Variants in HELLS observed in about 807,000 individuals in gnomAD.
HELLS encodes lymphoid-specific helicase.
HELLS carries 32 observed loss-of-function variants against 120.0 expected under a neutral mutation model. That is an observed-to-expected ratio of 0.27 (90% CI 0.20 to 0.36). The LOEUF is 0.36. HELLS is among the 10% of genes least tolerant of loss of function. The probability of loss-of-function intolerance (pLI) is 1.00; values close to 1 mark genes in which losing one functional copy is unlikely to be tolerated. For missense variants in HELLS, 650 were observed against 993.4 expected (o/e 0.65, Z 4.65); for synonymous variants, 341 against 323.4 (o/e 1.05, Z -0.58).
intron 21 of HELLS, among the ~76,000 whole-genome samples, chr10:94,599,037 G>A (rs1228447726): frequency 6.6e-6 from 1 of 152,092 alleles, no homozygotes; most frequent in Admixed American, 6.6e-5. Context: ...TCCTATGCCA[G>A]TATCGCACTG....
intron 2 of HELLS, among the ~76,000 whole-genome samples, 198 bp from the exon 3 acceptor site, chr10:94,553,928 A>C (rs936569613): frequency 6.6e-6 from 1 of 152,126 alleles, no homozygotes; most frequent in African/African-American, 2.4e-5. Flanking sequence ...TAATATTTTG[A>C]TATACGAATT....
intron 21 of HELLS, 53 bp downstream of exon 21, chr10:94,597,164 C>T: frequency 9.8e-7 from 1 of 1,017,498 alleles, no homozygotes; most frequent in East Asian, 2.4e-5. Flanking sequence ...ACTTAATTAG[C>T]ATAATGTAAT....
At chr10:94,588,829 G>T (rs137910114) in intron 13 of HELLS, among the ~76,000 whole-genome samples, 35 of 152,206 alleles carry the variant, frequency 2.3e-4, no homozygotes, top group African/African-American at 8.4e-4. Context: ...TGTATTAATT[G>T]CTTTACAGTC....
At chr10:94,607,650 G>C (rs1422475979) in intron 8 of HELLS, among the ~76,000 whole-genome samples, 5 of 152,082 alleles carry the variant, frequency 3.3e-5, no homozygotes, top group Non-Finnish European at 7.4e-5. Flanking sequence ...AAGCAAACGT[G>C]TGATGAAATC....
chr10:94,564,430 C>T (rs1311232240), intron 6 of HELLS, among the ~76,000 whole-genome samples: 2 of 152,132 alleles, frequency 1.3e-5, no homozygotes, highest in Non-Finnish European at 2.9e-5. Context: ...TAACCCCTAA[C>T]CTTGTCTTAA....
downstream of HELLS, among the ~76,000 whole-genome samples, chr10:94,605,722 C>G (rs1379937766): frequency 1.3e-5 from 2 of 150,244 alleles, no homozygotes; most frequent in African/African-American, 4.9e-5. Context: ...GCCTTGACCT[C>G]CCGGGCTCAA....
chr10:94,590,482 A>G lies in HELLS; in HGVS notation c.1558A>G (p.Lys520Glu). Residue 520 changes from lysine to glutamate, a missense_variant, in exon 14 of 22, where the codon AAA (lysine) becomes GAA (glutamate). By Grantham distance (56) the Lys-to-Glu change is moderately conservative (BLOSUM62 1). Coordinates refer to ENST00000348459, the MANE Select transcript of HELLS (RefSeq NM_018063.5). ...RRTRKSINYSKIDDFPNELEK... is the reference protein window; with the variant it reads ...RRTRKSINYSEIDDFPNELEK... ...AACTAGAAAATCAATAAATTACAGCAAAATAGATGATTTCCCTAATGAATT... is the reference window on the plus strand; with the variant it reads ...AACTAGAAAATCAATAAATTACAGCGAAATAGATGATTTCCCTAATGAATT... 6.2e-7 allele frequency: 1 copy of G among 1,612,760 alleles called. No homozygotes were observed. The highest frequency in any genetic ancestry group is 8.5e-7 in the Non-Finnish European group (1 of 1,179,648).
intron 2 of HELLS, among the ~76,000 whole-genome samples, chr10:94,548,770 G>C (rs556600592): frequency 2.0e-5 from 3 of 152,242 alleles, no homozygotes; most frequent in Admixed American, 1.3e-4. Flanking sequence ...GAGGCGGGTG[G>C]ATCACCTGAG....
chr10:94,560,832 G>A (rs747572396), intron 4 of HELLS, among the ~76,000 whole-genome samples: 3 of 152,074 alleles, frequency 2.0e-5, no homozygotes, highest in African/African-American at 4.8e-5. Flanking sequence ...AAGGTGGGCC[G>A]ATCATCTGAG....
At chr10:94,573,888 C>A in intron 7 of HELLS, 72 bp from the exon 8 acceptor site, 1 of 820,102 alleles carries the variant, frequency 1.2e-6, no homozygotes, top group Non-Finnish European at 2.0e-6. Context: ...TTGTTAGTTG[C>A]ATTTTCTGAT....
chr10:94,566,362 G>A (rs932231380), intron 6 of HELLS, among the ~76,000 whole-genome samples: 1 of 152,030 alleles, frequency 6.6e-6, no homozygotes, highest in Non-Finnish European at 1.5e-5. Context: ...AGTGGGGGAG[G>A]TGTTTTAGGA....
At chr10:94,554,279 G>A (rs1843131028) in intron 3 of HELLS, 31 bp downstream of exon 3, 2 of 1,481,044 alleles carry the variant, frequency 1.4e-6, no homozygotes, top group Non-Finnish European at 1.8e-6. Flanking sequence ...ACAAGTGAAA[G>A]CTTAAAAAAA....
intron 12 of HELLS, 118 bp downstream of exon 12, chr10:94,583,177 A>G (rs1027487370): frequency 2.1e-6 from 1 of 487,434 alleles, no homozygotes; most frequent in East Asian, 3.2e-5. Context: ...ATCCTCCTAC[A>G]TTTAAATGAC....
chr10:94,587,691 T>G (rs761348608), intron 12 of HELLS, among the ~76,000 whole-genome samples: 3 of 152,224 alleles, frequency 2.0e-5, no homozygotes, highest in Non-Finnish European at 2.9e-5. Context: ...CCTCCCAAAG[T>G]GCTGTGATTA....
chr10:94,546,122 C>T (rs1842742064), intron 1 of HELLS, among the ~76,000 whole-genome samples, 170 bp downstream of exon 1: 1 of 152,134 alleles, frequency 6.6e-6, no homozygotes, highest in African/African-American at 2.4e-5. Context: ...CGGAATCGCA[C>T]GTATTAGCAT....
intron 3 of HELLS, 76 bp downstream of exon 3, chr10:94,554,324 A>G: frequency 1.9e-6 from 2 of 1,058,772 alleles, no homozygotes; most frequent in Non-Finnish European, 2.6e-6. Flanking sequence ...TATATTATAT[A>G]CAGTAAAATG....
intron 19 of HELLS, among the ~76,000 whole-genome samples, chr10:94,595,437 A>G (rs376047045): frequency 4.3e-4 from 65 of 152,318 alleles, no homozygotes; most frequent in African/African-American, 1.5e-3. Flanking sequence ...AAGTTTTAAG[A>G]TAAATATTTT....
intron 11 of HELLS, among the ~76,000 whole-genome samples, chr10:94,582,295 A>G (rs1844909286): frequency 6.6e-6 from 1 of 152,194 alleles, no homozygotes; most frequent in Non-Finnish European, 1.5e-5. Context: ...CAAGAATTCC[A>G]GGTCCTGTGC....
intron 12 of HELLS, among the ~76,000 whole-genome samples, chr10:94,587,504 T>C (rs1197980361): frequency 6.6e-6 from 1 of 152,178 alleles, no homozygotes; most frequent in East Asian, 1.9e-4. Flanking sequence ...CCTGGTTCAC[T>C]GCAACCTCTG....
Sources: allele counts gnomAD v4.1 joint callset (sites outside exome capture counted in the v4.1 genomes callset), GRCh38; gene constraint gnomAD v4.1.1; transcripts MANE v1.5; gene names NCBI Gene and HGNC (gene_info 2026-07-23, HGNC 2026-07-21).